FAM3D: variants seen among roughly 807,000 people sequenced by gnomAD.
FAM3D encodes FAM3 metabolism regulating signaling molecule D.
Under a neutral mutation model 29.8 loss-of-function variants are expected in FAM3D, and 26 were observed. That is an observed-to-expected ratio of 0.87 (90% CI 0.64 to 1.21). FAM3D has a LOEUF of 1.21. FAM3D is among the 50% of genes most tolerant of loss of function. The probability of loss-of-function intolerance (pLI) is 0.00; values close to 1 mark genes in which losing one functional copy is unlikely to be tolerated. For missense variants in FAM3D, 253 were observed against 290.9 expected, an observed-to-expected ratio of 0.87 and a Z score of 0.95; for synonymous variants, 115 against 102.3, an observed-to-expected ratio of 1.12 and a Z score of -0.75.
intron 1 of FAM3D, among the ~76,000 whole-genome samples, chr3:58,666,100 C>G (rs1417053339): frequency 6.6e-6 from 1 of 152,092 alleles, no homozygotes; most frequent in Non-Finnish European, 1.5e-5. Context: ...CTTTTTTATT[C>G]ATTTTTCAAA....
chr3:58,644,812 C>G (rs1048130346), intron 5 of FAM3D, among the ~76,000 whole-genome samples: 1 of 152,176 alleles, frequency 6.6e-6, no homozygotes, highest in African/African-American at 2.4e-5. Context: ...GAGGGTAGAG[C>G]TGAAGATGGG....
At chr3:58,642,500 A>G (rs941478401) in intron 6 of FAM3D, among the ~76,000 whole-genome samples, 1 of 152,138 alleles carries the variant, frequency 6.6e-6, no homozygotes, top group Non-Finnish European at 1.5e-5. Context: ...CCTTTGTCCC[A>G]GAAGTGGCCC....
At chr3:58,658,368 G>A (rs2066864505) in intron 1 of FAM3D, among the ~76,000 whole-genome samples, 2 of 152,296 alleles carry the variant, frequency 1.3e-5, no homozygotes, top group East Asian at 1.9e-4. Context: ...CACTTGTCTA[G>A]GGCCACACAG....
At chr3:58,652,655 T>C (rs1228680767) in intron 3 of FAM3D, among the ~76,000 whole-genome samples, 1 of 149,720 alleles carries the variant, frequency 6.7e-6, no homozygotes, top group Non-Finnish European at 1.5e-5. Context: ...TCCATCTACT[T>C]ATCCCTCCAT....
rs574186384 is a variant in FAM3D at position 58,642,106 on chromosome 3, C to T, written c.322+1556G>A. On this transcript the variant is annotated intron_variant, in intron 6 of 9. Coordinates refer to ENST00000358781, the MANE Select transcript of FAM3D (RefSeq NM_138805.3). ...CACACCCTCCCTGCAGGAGGGATGCCACTTCATTGAGGCTGGAGTGGAACA... is the reference window on the plus strand; with the variant it reads ...CACACCCTCCCTGCAGGAGGGATGCTACTTCATTGAGGCTGGAGTGGAACA... 3.3e-5 allele frequency among the ~76,000 whole-genome samples: 5 copies of T among 152,260 alleles called. No homozygotes were observed. In the East Asian group the frequency reaches 9.7e-4, roughly 30 times the overall value.
intron 1 of FAM3D, among the ~76,000 whole-genome samples, chr3:58,665,973 C>G (rs959776164): frequency 1.3e-5 from 2 of 152,216 alleles, no homozygotes; most frequent in Admixed American, 1.3e-4. Context: ...GTGAAAGGGA[C>G]TAGCTCAATA....
At chr3:58,654,134 C>T (rs1465379697) in intron 2 of FAM3D, among the ~76,000 whole-genome samples, 1 of 152,194 alleles carries the variant, frequency 6.6e-6, no homozygotes, top group Non-Finnish European at 1.5e-5. Flanking sequence ...GGCCTGAGAA[C>T]TGCAGTGGGA....
rs182113756 is a variant in FAM3D at position 58,643,691 on chromosome 3, C to T, written c.293G>A (p.Gly98Asp). 60 of 1,613,854 alleles carry T rather than the reference C, an allele frequency of 3.7e-5. No individual in the cohort carries two copies. The African/African-American group carries it at 6.3e-4, about 17-fold the overall frequency. ...CACCAGGGCGATGTTTAGGCCTCTG[C>T]CCACATTGTTTTTCACAGGACTCAT... is the stretch of plus-strand genomic sequence containing the variant. The part of the protein sequence containing the change: ...MIMSPVKNNV[G>D]RGLNIALVNG... Residue 98 changes from glycine to aspartate, a missense_variant, in exon 6 of 10, where the codon GGC becomes GAC. Transcript: ENST00000358781.
intron 7 of FAM3D, 42 bp from the exon 8 acceptor site, chr3:58,637,267 G>C: frequency 1.3e-6 from 2 of 1,541,792 alleles, no homozygotes; most frequent in Non-Finnish European, 1.8e-6. Flanking sequence ...TAGGGGAAAT[G>C]AGCCCTGGTC....
At chr3:58,637,278 A>G (rs2066201944) in intron 7 of FAM3D, 53 bp from the exon 8 acceptor site, 1 of 1,499,938 alleles carries the variant, frequency 6.7e-7, no homozygotes, top group African/African-American at 1.4e-5. Context: ...AGCCCTGGTC[A>G]TTCTCATGCT....
rs371867889 is a variant in FAM3D at position 58,640,491 on chromosome 3, A to G, written c.323-314T>C. Among the ~76,000 whole-genome samples the G allele has an allele frequency of 3.9e-5, 6 of 152,202 alleles. No homozygotes were observed. In the East Asian group the frequency reaches 9.6e-4, roughly 24 times the overall value. ...TGACCTCAATTTTTGCATCTGTACA[A>G]TGGGTTGTGGGAACTAAAGGAGATA... On this transcript the variant is annotated intron_variant, in intron 6 of 9. Transcript: ENST00000358781.
intron 2 of FAM3D, 72 bp downstream of exon 2, chr3:58,655,479 A>T: frequency 1.9e-6 from 3 of 1,598,354 alleles, no homozygotes; most frequent in Non-Finnish European, 2.6e-6. Flanking sequence ...GATACAGCCA[A>T]ATCACTGTGA....
At chr3:58,645,329 G>T (rs1469747244) in intron 5 of FAM3D, among the ~76,000 whole-genome samples, 180 bp downstream of exon 5, 2 of 152,208 alleles carry the variant, frequency 1.3e-5, no homozygotes, top group Non-Finnish European at 1.5e-5. Context: ...ACCAGGCAAG[G>T]TGCTGGTGGA....
At chr3:58,652,761 C>T (rs889282575) in intron 3 of FAM3D, among the ~76,000 whole-genome samples, 1 of 152,050 alleles carries the variant, frequency 6.6e-6, no homozygotes, top group South Asian at 2.1e-4. Context: ...ATTCATCTGT[C>T]CATCTACTCA....
chr3:58,655,097 CT>C (rs572751799), intron 2 of FAM3D, among the ~76,000 whole-genome samples: 118 of 152,304 alleles, frequency 7.7e-4, no homozygotes, highest in African/African-American at 2.7e-3. Context: ...CCCTGTGCCC[CT>C]GACTCCTTAC....
intron 4 of FAM3D, among the ~76,000 whole-genome samples, chr3:58,648,335 TG>T (rs1363377412): frequency 6.6e-6 from 1 of 152,144 alleles, no homozygotes; most frequent in African/African-American, 2.4e-5. Context: ...AATCCTATTT[TG>T]GGAGCCACAG....
intron 7 of FAM3D, 114 bp from the exon 8 acceptor site, chr3:58,637,339 CTGAG>C: frequency 1.1e-6 from 1 of 951,786 alleles, no homozygotes; most frequent in Non-Finnish European, 1.6e-6. Context: ...GGACACTGGG[CTGAG>C]CTCAGAAGCC....
At chr3:58,660,605 T>A (rs2066911149) in intron 1 of FAM3D, among the ~76,000 whole-genome samples, 1 of 152,224 alleles carries the variant, frequency 6.6e-6, no homozygotes, top group South Asian at 2.1e-4. Flanking sequence ...CATTATGCCC[T>A]GTTTTAATTT....
chr3:58,636,526 A>G (rs2066177681), intron 8 of FAM3D, 106 bp from the exon 9 acceptor site: 7 of 1,504,194 alleles, frequency 4.7e-6, no homozygotes, highest in East Asian at 4.6e-5. Context: ...CCCATTCAGC[A>G]TCTGCCCTGG....
Sources: allele counts gnomAD v4.1 joint callset (sites outside exome capture counted in the v4.1 genomes callset), GRCh38; gene constraint gnomAD v4.1.1; transcripts MANE v1.5; gene names NCBI Gene and HGNC (gene_info 2026-07-23, HGNC 2026-07-21).